Variants in SH3RF3 observed in about 807,000 individuals in gnomAD.
SH3RF3 encodes the protein SH3 domain containing ring finger 3, also known as E3 ubiquitin-protein ligase SH3RF3.
A neutral mutation model predicts 66.3 loss-of-function variants in SH3RF3; 29 were observed. The observed-to-expected ratio is 0.44, with a 90% CI of 0.33 to 0.60. The LOEUF is 0.60. SH3RF3 is among the 20% of genes least tolerant of loss of function. SH3RF3 has a pLI of 0.04. For synonymous variants in SH3RF3, 583 were observed against 532.0 expected, an observed-to-expected ratio of 1.10 and a Z score of -1.32; for missense variants, 1,194 against 1,190.9, an observed-to-expected ratio of 1.00 and a Z score of -0.04.
At chr2:109,439,561 G>A (rs1677504290) in intron 7 of SH3RF3, among the ~76,000 whole-genome samples, 1 of 152,164 alleles carries the variant, frequency 6.6e-6, no homozygotes, top group Non-Finnish European at 1.5e-5. Flanking sequence ...CAGGCAGTTT[G>A]ACAAAGGCTT....
Position 109,373,510 on chromosome 2 carries a change from T to A in SH3RF3, c.945+1829T>A, listed in dbSNP as rs139609685. 5.8e-3 allele frequency among the ~76,000 whole-genome samples: 879 copies of A among 152,308 alleles called. 1 individual carries two copies. Among genetic ancestry groups the A allele is most frequent in the Non-Finnish European group, 9.0e-3 (612 of 68,030 alleles). ...CAAAAGAGTAATGGCTTTAAGGGCATAGGCAAATCTCCAAGTGAAATTTTT... is the reference window on the plus strand; with the variant it reads ...CAAAAGAGTAATGGCTTTAAGGGCAAAGGCAAATCTCCAAGTGAAATTTTT... On this transcript the variant is annotated intron_variant, in intron 3 of 9. Transcript: ENST00000309415.
intron 1 of SH3RF3, among the ~76,000 whole-genome samples, chr2:109,287,969 T>C (rs1681071902): frequency 6.6e-6 from 1 of 152,230 alleles, no homozygotes; most frequent in African/African-American, 2.4e-5. Context: ...AAGGTTCAAG[T>C]TCTTATTTGA....
At chr2:109,217,479 A>C (rs1215613625) in intron 1 of SH3RF3, among the ~76,000 whole-genome samples, 2 of 152,078 alleles carry the variant, frequency 1.3e-5, no homozygotes, top group East Asian at 3.9e-4. Flanking sequence ...AAATAGACTC[A>C]CTCCACATCT....
intron 5 of SH3RF3, among the ~76,000 whole-genome samples, chr2:109,430,562 C>T (rs1278098618): frequency 6.6e-6 from 1 of 152,016 alleles, no homozygotes; most frequent in Admixed American, 6.5e-5. Context: ...CCCTTTCTTT[C>T]ACCTCTCCCC....
intron 1 of SH3RF3, among the ~76,000 whole-genome samples, chr2:109,312,408 A>C (rs6542816): frequency 0.6 from 90,717 of 151,926 alleles, 28,593 homozygotes; most frequent in East Asian, 0.91. Context: ...GTGCCAGTGG[A>C]ATTTATGTTT....
chr2:109,346,557 T>TC (rs1270107482), intron 1 of SH3RF3, among the ~76,000 whole-genome samples: 1 of 151,918 alleles, frequency 6.6e-6, no homozygotes, highest in African/African-American at 2.4e-5. Flanking sequence ...CTGGCAAAGC[T>TC]CCCACAGTTG....
chr2:109,246,782 G>T (rs1679928049), intron 1 of SH3RF3, among the ~76,000 whole-genome samples: 1 of 152,218 alleles, frequency 6.6e-6, no homozygotes, highest in East Asian at 1.9e-4. Flanking sequence ...GGAGAGCCTC[G>T]CTTGCTCTGA....
At position 109,501,059 on chromosome 2, in the gene SH3RF3, G is replaced by A. The variant is rs1679372448; in HGVS notation, c.2481-444G>A. Reference sequence around the variant, plus strand: ...CAGTTGAGGAGCGTGCTTTTCAGAGGAACCTGCAGAGGGAGAGGTGAGGAC... The same window carrying A: ...CAGTTGAGGAGCGTGCTTTTCAGAGAAACCTGCAGAGGGAGAGGTGAGGAC... On this transcript the variant is annotated intron_variant, in intron 9 of 9. Coordinates refer to ENST00000309415, the MANE Select transcript of SH3RF3 (RefSeq NM_001099289.3). Among the ~76,000 whole-genome samples the A allele has an allele frequency of 2.0e-5, 3 of 152,320 alleles. No individual in the cohort carries two copies. The South Asian group carries it at 6.2e-4, about 32-fold the overall frequency.
chr2:109,358,022 C>A (rs1364495038), intron 2 of SH3RF3, among the ~76,000 whole-genome samples: 2 of 152,166 alleles, frequency 1.3e-5, no homozygotes, highest in African/African-American at 4.8e-5. Context: ...GGTTCACTGC[C>A]CTGAAAATCC....
intron 3 of SH3RF3, among the ~76,000 whole-genome samples, chr2:109,390,548 T>G (rs1675958877): frequency 6.6e-6 from 1 of 152,118 alleles, no homozygotes; most frequent in Non-Finnish European, 1.5e-5. Flanking sequence ...GAGGTTAAAC[T>G]CGAAGCAGGT....
intron 1 of SH3RF3, among the ~76,000 whole-genome samples, chr2:109,146,438 A>G (rs963237392): frequency 4.6e-5 from 7 of 152,164 alleles, no homozygotes; most frequent in South Asian, 2.1e-4. Context: ...TCTTGCATCA[A>G]TTCCGTGCCA....
chr2:109,392,978 G>A (rs1217222195), intron 3 of SH3RF3, among the ~76,000 whole-genome samples: 3 of 152,166 alleles, frequency 2.0e-5, no homozygotes, highest in Admixed American at 1.3e-4. Flanking sequence ...CCTCTCCACC[G>A]CCCCTGCTTA....
At chr2:109,392,676 G>A (rs563783619) in intron 3 of SH3RF3, among the ~76,000 whole-genome samples, 4 of 152,004 alleles carry the variant, frequency 2.6e-5, no homozygotes, top group East Asian at 1.9e-4. Context: ...CTGCCACCAC[G>A]CCCGGCTAAT....
Position 109,449,443 on chromosome 2 carries a change from G to T in SH3RF3, c.2102G>T (p.Ser701Ile). The T allele has an allele frequency of 6.2e-7, 1 of 1,613,980 alleles. No individual in the cohort carries two copies. The highest frequency in any genetic ancestry group is 8.5e-7 in the Non-Finnish European group (1 of 1,179,884). The stretch of plus-strand genomic sequence containing the variant: ...CCCATCGGTGTTCTGTCCACATCCA[G>T]CCCCACCAACACGGGATGCAAACTA... ...GGPIGVLSTSSPTNTGCKLDE... is the reference protein window; with the variant it reads ...GGPIGVLSTSIPTNTGCKLDE... Residue 701 changes from serine (S) to isoleucine (I), a missense_variant, in exon 8 of 10, where the codon AGC (serine) becomes ATC (isoleucine). Coordinates refer to ENST00000309415, the MANE Select transcript of SH3RF3 (RefSeq NM_001099289.3).
chr2:109,172,137 G>A (rs1677798769), intron 1 of SH3RF3, among the ~76,000 whole-genome samples: 2 of 152,206 alleles, frequency 1.3e-5, no homozygotes, highest in Admixed American at 6.5e-5. Flanking sequence ...CGGGTGGGGA[G>A]CAGGTCTCCC....
chr2:109,394,618 A>G (rs934882051), intron 3 of SH3RF3, among the ~76,000 whole-genome samples: 1 of 152,272 alleles, frequency 6.6e-6, no homozygotes, highest in African/African-American at 2.4e-5. Context: ...TTCCATTAAA[A>G]AACATGAAAA....
At chr2:109,291,932 C>T (rs1243816797) in intron 1 of SH3RF3, among the ~76,000 whole-genome samples, 1 of 152,222 alleles carries the variant, frequency 6.6e-6, no homozygotes, top group Non-Finnish European at 1.5e-5. Context: ...GGCACAATCT[C>T]GGCTCACCAC....
intron 1 of SH3RF3, among the ~76,000 whole-genome samples, chr2:109,259,966 G>A (rs1428281096): frequency 6.6e-6 from 1 of 152,120 alleles, no homozygotes; most frequent in African/African-American, 2.4e-5. Context: ...ACGCCCAGGG[G>A]TTTTCTTTGC....
intron 1 of SH3RF3, among the ~76,000 whole-genome samples, chr2:109,205,899 G>A (rs549008659): frequency 6.6e-6 from 1 of 152,226 alleles, no homozygotes; most frequent in African/African-American, 2.4e-5. Context: ...CCAACTGAAG[G>A]GTTATGAATT....
Sources: gnomAD v4.1 joint callset for allele counts (sites outside exome capture counted in the v4.1 genomes callset) on GRCh38, gnomAD v4.1.1 for gene constraint, MANE v1.5 for transcripts, NCBI Gene and HGNC (gene_info 2026-07-23, HGNC 2026-07-21) for gene names.